Variants in KIF20A observed in about 807,000 individuals in gnomAD.
KIF20A encodes kinesin-like protein KIF20A.
Under a neutral mutation model 113.0 loss-of-function variants are expected in KIF20A, and 66 were observed. The ratio of observed to expected loss-of-function variants is 0.58; its 90% CI spans 0.48 to 0.72. KIF20A has a LOEUF of 0.72. Among genes scored for constraint, KIF20A ranks in the 30% least tolerant of loss-of-function variants. The pLI is 0.00. For missense variants in KIF20A, 927 were observed against 1,077.6 expected, an observed-to-expected ratio of 0.86 and a Z score of 1.96; for synonymous variants, 376 against 402.3, an observed-to-expected ratio of 0.93 and a Z score of 0.78.
chr5:138,183,328 T>C lies in KIF20A; in HGVS notation c.992T>C (p.Leu331Pro), dbSNP rs749053727. 8.7e-6 allele frequency: 14 copies of C among 1,614,238 alleles called. No homozygotes were observed. The highest frequency in any genetic ancestry group is 1.3e-5 in the African/African-American group (1 of 75,056). The change falls in exon 8 of 19, where the codon CTA becomes CCA. Residue 331 changes from leucine (L) to proline (P), a missense_variant. By Grantham distance (98) the Leu-to-Pro change is moderately conservative (BLOSUM62 -3). Coordinates refer to ENST00000394894, the MANE Select transcript of KIF20A (RefSeq NM_005733.3). This position sits in a 1 kb window ranked among gnomAD's most constrained non-coding sequence, Gnocchi z 5.2. ...CAGCGCAAGAGGCAGACTTTGCGGCTATGCGAGGATCAAAATGGCAATCCC... is the reference window on the plus strand; with the variant it reads ...CAGCGCAAGAGGCAGACTTTGCGGCCATGCGAGGATCAAAATGGCAATCCC... The part of the protein sequence containing the change: ...SQQRKRQTLR[L>P]CEDQNGNPYV...
chr5:138,181,118 G>A (rs1435590884), intron 2 of KIF20A, among the ~76,000 whole-genome samples: 3 of 152,266 alleles, frequency 2.0e-5, no homozygotes, highest in African/African-American at 4.8e-5. Flanking sequence ...TCAAATTCAA[G>A]TGTTTGCCTC....
rs758601901 is a variant in KIF20A at position 138,184,588 on chromosome 5, C to T, written c.1595C>T (p.Ser532Phe). Residue 532 changes from serine (S) to phenylalanine (F), a missense_variant, in exon 13 of 19, where the codon TCC (serine) becomes TTC (phenylalanine). Physicochemically the swap from Ser to Phe is radical, Grantham distance 155. Transcript: ENST00000394894. Reference sequence around the variant, plus strand: ...ATCAAGGAACATAGTCTTCAGGTATCCCCCAGCTTAGAGAAAGGGGCTAAG... The same window carrying T: ...ATCAAGGAACATAGTCTTCAGGTATTCCCCAGCTTAGAGAAAGGGGCTAAG... Reference protein sequence around the residue: ...SFIKEHSLQVSPSLEKGAKAD... With the variant: ...SFIKEHSLQVFPSLEKGAKAD... 12 of 1,614,026 alleles carry T rather than the reference C, an allele frequency of 7.4e-6. No individual in the cohort carries two copies. In the East Asian group the frequency reaches 2.7e-4, roughly 36 times the overall value.
At chr5:138,182,806 G>A in intron 6 of KIF20A, 33 bp downstream of exon 6, 1 of 1,613,516 alleles carries the variant, frequency 6.2e-7, no homozygotes. Flanking sequence ...AGTGGGGGTA[G>A]GGGGTACAAA....
chr5:138,180,498 C>A (rs1238631530), intron 2 of KIF20A, among the ~76,000 whole-genome samples: 1 of 152,112 alleles, frequency 6.6e-6, no homozygotes, highest in East Asian at 1.9e-4. Context: ...TGTACTAGGT[C>A]CTATGCTAAA....
chr5:138,182,862 A>AG lies in KIF20A; in HGVS notation c.706dup (p.Glu236GlyfsTer39), dbSNP rs1754683174. ...TACCTTCTCCCTGTGCCCCTCCAGG[A>AG]GGAGCTGTCCACTTCCTTGAAGAGG... On this transcript the variant is annotated frameshift_variant and splice_region_variant, in exon 7 of 19. Transcript: ENST00000394894. LOFTEE classifies it high-confidence loss of function. The AG allele has an allele frequency of 6.2e-7, 1 of 1,614,044 alleles. No homozygotes were observed. Among genetic ancestry groups the AG allele is most frequent in the Non-Finnish European group, 8.5e-7 (1 of 1,180,006 alleles).
At chr5:138,186,957 T>C (rs376651946) in intron 18 of KIF20A, 139 bp from the exon 19 acceptor site, 4 of 685,014 alleles carry the variant, frequency 5.8e-6, no homozygotes, top group South Asian at 4.1e-5. Context: ...AGTTATAAGC[T>C]CCGACCTTAA....
chr5:138,184,295 G>GT lies in KIF20A; in HGVS notation c.1412dup (p.Phe472LeufsTer21), dbSNP rs2151233401. 1.2e-6 allele frequency: 2 copies of GT among 1,614,166 alleles called. No homozygotes were observed. The highest frequency in any genetic ancestry group is 1.7e-6 in the Non-Finnish European group (2 of 1,180,040). ...AGCAAGTTGACTCGAGTGTTCCAAG[G>GT]TTTCTTCACAGGCCGAGGCCGTTCC... is the stretch of plus-strand genomic sequence containing the variant. On this transcript the variant is annotated frameshift_variant, in exon 12 of 19. Coordinates refer to ENST00000394894, the MANE Select transcript of KIF20A (RefSeq NM_005733.3). LOFTEE classifies it high-confidence loss of function.
Position 138,185,154 on chromosome 5 carries a change from T to A in KIF20A, c.1883T>A (p.Ile628Asn). 1 of 1,613,922 alleles carries A rather than the reference T, an allele frequency of 6.2e-7. No homozygotes were observed. Among genetic ancestry groups the A allele is most frequent in the East Asian group, 2.2e-5 (1 of 44,882 alleles). The stretch of plus-strand genomic sequence containing the variant: ...GAAATGTATGAAGAAAAACTAAATA[T>A]CCTCAAGGAGTCACTGACAAGTTTT... ...LEEMYEEKLN[I>N]LKESLTSFYQ... Residue 628 changes from isoleucine to asparagine, a missense_variant, in exon 15 of 19, where the codon ATC becomes AAC. Physicochemically the swap from Ile to Asn is moderately radical, Grantham distance 149. Coordinates refer to ENST00000394894, the MANE Select transcript of KIF20A (RefSeq NM_005733.3).
rs1754662436 is a variant in KIF20A, at chr5:138,181,626, G to A, written c.273G>A (p.Glu91=). The A allele has an allele frequency of 6.2e-7, 1 of 1,614,242 alleles. No homozygotes were observed. ...CTTCTCAGGGTTGTGTCCGTATTGA[G>A]AATGTGGAGACCCTTGTTCTACAAG... ...RQEDQGCVRI[E]NVETLVLQAP... Residue 91 remains glutamate (E), a synonymous_variant, in exon 4 of 19, where the codon GAG becomes GAA. Transcript: ENST00000394894.
At chr5:138,185,771 C>A in intron 16 of KIF20A, 61 bp downstream of exon 16, 1 of 1,559,692 alleles carries the variant, frequency 6.4e-7, no homozygotes, top group Non-Finnish European at 8.8e-7. Context: ...TTACTTAAAC[C>A]CAGGCCTTCT....
In KIF20A at chr5:138,182,775, TAAAGC is replaced by T. The variant is rs762575122; in HGVS notation, c.702+4_702+8del. On this transcript the variant is annotated splice_donor_5th_base_variant and intron_variant, in intron 6 of 18. Transcript: ENST00000394894. ...CTGCTAAATGGAGGCCTCCAAGAGG[TAAAGC>T]ATTGGTATCCATGGCAGTGGGGGTA... The T allele has an allele frequency of 1.9e-6, 3 of 1,613,306 alleles. No homozygotes were observed. The highest frequency in any genetic ancestry group is 2.5e-6 in the Non-Finnish European group (3 of 1,179,930).
chr5:138,179,959 C>T lies in KIF20A; in HGVS notation c.165+114C>T, dbSNP rs1184929454. ...CAATCCTAAAGGTCTGAGATCAATT[C>T]AAAATTAAGGGCATTTAGGACAAAA... On this transcript the variant is annotated intron_variant, in intron 2 of 18. Transcript: ENST00000394894. 4 of 1,041,396 alleles carry T rather than the reference C, an allele frequency of 3.8e-6. No individual in the cohort carries two copies. The Admixed American group carries it at 1.4e-4, about 37-fold the overall frequency. The allele number at this position is 1,041,396 out of a possible 1,614,324, so 64.5% of individuals were successfully genotyped here.
In KIF20A at chr5:138,187,296, TTTAC is replaced by T; in HGVS notation, c.2559_2562del (p.Leu853PhefsTer57). The T allele has an allele frequency of 6.2e-7, 1 of 1,614,136 alleles. No homozygotes were observed. The highest frequency in any genetic ancestry group is 8.5e-7 in the Non-Finnish European group (1 of 1,180,018). ...CAGGGAAGAAACCATTCCTTCGAAA[TTTAC>T]TTCCCCGAACACCAACCTGCCAAAG... On this transcript the variant is annotated frameshift_variant, in exon 19 of 19. Transcript: ENST00000394894. LOFTEE classifies it high-confidence loss of function.
At chr5:138,181,826 T>C (rs1754666803) in intron 4 of KIF20A, 98 bp downstream of exon 4, 1 of 1,411,466 alleles carries the variant, frequency 7.1e-7, no homozygotes, top group Non-Finnish European at 9.8e-7. Flanking sequence ...TGTGAGTTCC[T>C]TGTATATGCA....
Position 138,184,225 on chromosome 5 carries a change from T to G in KIF20A, c.1353-14T>G, listed in dbSNP as rs768773720. The G allele has an allele frequency of 1.2e-6, 2 of 1,613,806 alleles. No individual in the cohort carries two copies. The highest frequency in any genetic ancestry group is 2.2e-5 in the South Asian group (2 of 91,038). ...GTTCTGCTCACAGCTCTATTATCTC[T>G]GATTCTCTGCCAGGTCAAAGCAGAA... On this transcript the variant is annotated splice_polypyrimidine_tract_variant and intron_variant, in intron 11 of 18. Coordinates refer to ENST00000394894, the MANE Select transcript of KIF20A (RefSeq NM_005733.3).
At chr5:138,179,448 C>A in intron 1 of KIF20A, 1 of 510,880 alleles carries the variant, frequency 2.0e-6, no homozygotes, top group Non-Finnish European at 3.5e-6. Flanking sequence ...CTGTGGACTT[C>A]TGTTCGCGTT....
At chr5:138,180,005 G>GA (rs961690783) in intron 2 of KIF20A, among the ~76,000 whole-genome samples, 160 bp downstream of exon 2, 1 of 150,316 alleles carries the variant, frequency 6.7e-6, no homozygotes, top group Non-Finnish European at 1.5e-5. Flanking sequence ...AAGAAAAAAA[G>GA]AAAAAAAAAT....
At chr5:138,181,376 A>G (rs893228942) in intron 2 of KIF20A, 46 bp from the exon 3 acceptor site, 1 of 1,517,280 alleles carries the variant, frequency 6.6e-7, no homozygotes. Flanking sequence ...GCTCAGAGGT[A>G]ACTGCTGAAA....
Position 138,183,108 on chromosome 5 carries a change from C to A in KIF20A, c.833-61C>A. ...TAAGGTCTGCCTTCCAAGGCCCCTG[C>A]AGGCCAAAAGAGAGGTGAACTGCTC... On this transcript the variant is annotated intron_variant, in intron 7 of 18. Coordinates refer to ENST00000394894, the MANE Select transcript of KIF20A (RefSeq NM_005733.3). This position sits in a 1 kb window ranked among gnomAD's most constrained non-coding sequence, Gnocchi z 5.2. The A allele has an allele frequency of 1.2e-6, 2 of 1,600,288 alleles. No homozygotes were observed. Among genetic ancestry groups the A allele is most frequent in the East Asian group, 4.5e-5 (2 of 44,742 alleles).
Sources: gnomAD v4.1 joint callset for allele counts (sites outside exome capture counted in the v4.1 genomes callset) on GRCh38, gnomAD v4.1.1 for gene constraint, Gnocchi (gnomAD v3.1) non-coding constraint, MANE v1.5 for transcripts, NCBI Gene and HGNC (gene_info 2026-07-23, HGNC 2026-07-21) for gene names.